NOS1AP: variants seen among roughly 807,000 people sequenced by gnomAD.
NOS1AP encodes the protein carboxyl-terminal PDZ ligand of neuronal nitric oxide synthase protein.
In NOS1AP, 21 loss-of-function variants were observed where a neutral mutation model predicts 56.2. The ratio of observed to expected loss-of-function variants is 0.37; its 90% confidence interval spans 0.26 to 0.54. NOS1AP has a LOEUF of 0.54. Among genes scored for constraint, NOS1AP ranks in the 20% least tolerant of loss-of-function variants. The pLI, the probability that NOS1AP is intolerant of heterozygous loss-of-function variation, is 0.84. For missense variants in NOS1AP, 522 were observed against 657.8 expected, an observed-to-expected ratio of 0.79 and a Z score of 2.26; for synonymous variants, 270 against 274.6, an observed-to-expected ratio of 0.98 and a Z score of 0.17.
chr1:162,196,644 G>T (rs1361912947), intron 2 of NOS1AP, among the ~76,000 whole-genome samples: 1 of 152,226 alleles, frequency 6.6e-6, no homozygotes, highest in Non-Finnish European at 1.5e-5. Flanking sequence ...AGCAGAAACA[G>T]GAAAGAGATG....
Position 162,333,154 on chromosome 1 carries a change from A to G in NOS1AP, c.453+29A>G, listed in dbSNP as rs577589443. On this transcript the variant is annotated intron_variant, in intron 5 of 9. Transcript: ENST00000361897. ...AAGAGGCGGTTGCCGTCCATCTGCT[A>G]TTTTCCTCTAATGGTTCCAAAGCAC... 8 of 1,487,636 alleles carry G rather than the reference A, an allele frequency of 5.4e-6. 1 individual carries two copies. In the South Asian group the frequency reaches 6.8e-5, roughly 13 times the overall value. 92.2% of individuals were successfully genotyped at this position (1,487,636 alleles called of 1,614,324 possible).
intron 1 of NOS1AP, among the ~76,000 whole-genome samples, chr1:162,104,781 C>T (rs1647433609): frequency 6.6e-6 from 1 of 152,082 alleles, no homozygotes. Context: ...CTCTAACCTG[C>T]CTATTGTGGC....
intron 1 of NOS1AP, among the ~76,000 whole-genome samples, chr1:162,111,746 G>A (rs186715562): frequency 6.6e-6 from 1 of 152,298 alleles, no homozygotes; most frequent in Admixed American, 6.5e-5. Context: ...GGCCAAAAAT[G>A]GAATAGATGT....
rs1396047537 is a variant in NOS1AP at position 162,275,181 on chromosome 1, T to C, written c.178-12163T>C. 3.3e-5 allele frequency among the ~76,000 whole-genome samples: 5 copies of C among 152,246 alleles called. No homozygotes were observed. The East Asian group carries it at 9.6e-4, about 29-fold the overall frequency. On this transcript the variant is annotated intron_variant, in intron 2 of 9. Coordinates refer to ENST00000361897, the MANE Select transcript of NOS1AP (RefSeq NM_014697.3). ...TTTTTTGTTGTCGTTGTTGTTTCTG[T>C]TTTGTTTTTTGTTTTTGATACGGAG...
In NOS1AP at chr1:162,123,423, C is replaced by T. The variant is rs568739910; in HGVS notation, c.106-30982C>T. Among the ~76,000 whole-genome samples, 11 of 152,290 alleles carry T rather than the reference C, an allele frequency of 7.2e-5. No individual in the cohort carries two copies. In the South Asian group the frequency reaches 1.2e-3, roughly 17 times the overall value. On this transcript the variant is annotated intron_variant, in intron 1 of 9. Coordinates refer to ENST00000361897, the MANE Select transcript of NOS1AP (RefSeq NM_014697.3). ...CTGACCTCAAGTGATCCACCTGCCTCGGCCTCCCAAAGTGCTGGGATTACA... is the reference window on the plus strand; with the variant it reads ...CTGACCTCAAGTGATCCACCTGCCTTGGCCTCCCAAAGTGCTGGGATTACA...
chr1:162,214,599 T>C (rs1652494844), intron 2 of NOS1AP, among the ~76,000 whole-genome samples: 1 of 152,234 alleles, frequency 6.6e-6, no homozygotes, highest in African/African-American at 2.4e-5. Context: ...AAATGGCTGA[T>C]TAACCCTCCT....
intron 1 of NOS1AP, among the ~76,000 whole-genome samples, chr1:162,137,529 G>A (rs969663739): frequency 6.6e-6 from 1 of 152,102 alleles, no homozygotes; most frequent in African/African-American, 2.4e-5. Context: ...GCAGTCCAGG[G>A]ACTCTGAGGC....
At chr1:162,234,173 T>C (rs1013752866) in intron 2 of NOS1AP, among the ~76,000 whole-genome samples, 1 of 152,178 alleles carries the variant, frequency 6.6e-6, no homozygotes, top group Non-Finnish European at 1.5e-5. Context: ...GGGGGCATGG[T>C]ATCTGGACCT....
chr1:162,109,485 G>C (rs1647633827), intron 1 of NOS1AP, among the ~76,000 whole-genome samples: 2 of 152,144 alleles, frequency 1.3e-5, no homozygotes, highest in African/African-American at 4.8e-5. Context: ...TTAAAATAAA[G>C]GGCTGATGAG....
chr1:162,217,267 C>CTTTTTTTTTT lies in NOS1AP; in HGVS notation c.177+62796_177+62805dup, dbSNP rs61378473. ...TGGGTCCTGAAACAGCTGTTGTTAG[C>CTTTTTTTTTT]TTTTTTTTTTTTTTGAGATGAAGTC... On this transcript the variant is annotated intron_variant, in intron 2 of 9. Coordinates refer to ENST00000361897, the MANE Select transcript of NOS1AP (RefSeq NM_014697.3). Among the ~76,000 whole-genome samples the CTTTTTTTTTT allele has an allele frequency of 4.3e-3, 293 of 68,366 alleles. 85 individuals carry two copies. Among genetic ancestry groups the CTTTTTTTTTT allele is most frequent in the Non-Finnish European group, 6.3e-3 (242 of 38,676 alleles). 44.9% of individuals were successfully genotyped at this position (68,366 alleles called of 152,430 possible). A position where few individuals can be genotyped will look rare whatever the true frequency, so the allele number is the denominator to read the frequency against.
intron 1 of NOS1AP, among the ~76,000 whole-genome samples, chr1:162,140,262 C>G (rs895121985): frequency 1.1e-4 from 16 of 152,326 alleles, no homozygotes; most frequent in African/African-American, 3.9e-4. Flanking sequence ...TCAAGGTCCT[C>G]CAGACAATCA....
intron 8 of NOS1AP, chr1:162,365,181 C>T: frequency 7.0e-7 from 1 of 1,433,714 alleles, no homozygotes; most frequent in East Asian, 2.5e-5. Flanking sequence ...CATCATGGCC[C>T]TCCCTTAGGA....
chr1:162,148,846 C>T (rs1296993870), intron 1 of NOS1AP, among the ~76,000 whole-genome samples: 1 of 152,142 alleles, frequency 6.6e-6, no homozygotes, highest in East Asian at 1.9e-4. Context: ...GGAAGATTTT[C>T]TGGGATCAGG....
intron 2 of NOS1AP, among the ~76,000 whole-genome samples, chr1:162,175,622 G>T (rs1468805221): frequency 6.6e-6 from 1 of 152,144 alleles, no homozygotes; most frequent in Non-Finnish European, 1.5e-5. Context: ...AGGTGTGGGG[G>T]TGGGGGCGGT....
intron 8 of NOS1AP, chr1:162,365,143 T>C: frequency 1.4e-6 from 2 of 1,408,206 alleles, no homozygotes. Flanking sequence ...TCCTGCCTCT[T>C]GCCCTTGGTA....
intron 4 of NOS1AP, among the ~76,000 whole-genome samples, chr1:162,308,715 C>T (rs1655927036): frequency 6.6e-6 from 1 of 152,168 alleles, no homozygotes; most frequent in South Asian, 2.1e-4. Flanking sequence ...CGTCCATTAC[C>T]ACAGAGCTTG....
chr1:162,358,070 T>G (rs1657760000), intron 8 of NOS1AP, among the ~76,000 whole-genome samples: 2 of 152,212 alleles, frequency 1.3e-5, no homozygotes, highest in African/African-American at 4.8e-5. Flanking sequence ...AAAGGCAGCC[T>G]GCATCAACAT....
intron 1 of NOS1AP, among the ~76,000 whole-genome samples, chr1:162,122,411 G>T (rs1452396464): frequency 1.3e-5 from 2 of 152,086 alleles, no homozygotes; most frequent in Non-Finnish European, 2.9e-5. Context: ...ATTGTGCTAC[G>T]CATGTAGTAG....
At chr1:162,122,595 C>T (rs979241613) in intron 1 of NOS1AP, among the ~76,000 whole-genome samples, 3 of 151,388 alleles carry the variant, frequency 2.0e-5, no homozygotes, top group Non-Finnish European at 2.9e-5. Context: ...GCAACCTCCA[C>T]CTCCCAGGCT....
Sources: allele counts gnomAD v4.1 joint callset (sites outside exome capture counted in the v4.1 genomes callset), GRCh38; gene constraint gnomAD v4.1.1; transcripts MANE v1.5; gene names NCBI Gene and HGNC (gene_info 2026-07-23, HGNC 2026-07-21).